Variants in MBD5 observed in about 807,000 individuals in gnomAD.
MBD5 encodes methyl-CpG-binding domain protein 5.
A neutral mutation model predicts 117.3 loss-of-function variants in MBD5; 13 were observed. The ratio of observed to expected loss-of-function variants is 0.11; its 90% CI spans 0.07 to 0.18. The LOEUF is 0.18. Among genes scored for constraint, MBD5 ranks in the 10% least tolerant of loss-of-function variants. MBD5 has a pLI of 1.00. For missense variants in MBD5, 1,879 were observed against 2,093.8 expected (o/e 0.90, Z 2.00); for synonymous variants, 727 against 766.4 (o/e 0.95, Z 0.85).
At chr2:148,340,096 C>G (rs1203914800) in intron 3 of MBD5, among the ~76,000 whole-genome samples, 2 of 152,082 alleles carry the variant, frequency 1.3e-5, no homozygotes, top group African/African-American at 4.8e-5. Flanking sequence ...TCCATTCTGC[C>G]TAAAAACTCT....
intron 3 of MBD5, among the ~76,000 whole-genome samples, chr2:148,281,472 C>T (rs939261446): frequency 2.0e-5 from 3 of 151,862 alleles, no homozygotes; most frequent in Admixed American, 6.6e-5. Flanking sequence ...TTCAAAATTT[C>T]TTATTCTTTT....
intron 1 of MBD5, among the ~76,000 whole-genome samples, chr2:148,160,305 G>A (rs1444542222): frequency 7.2e-5 from 11 of 152,280 alleles, no homozygotes; most frequent in Admixed American, 7.2e-4. Context: ...GGCTTAGGCA[G>A]GAGAATCACT....
intron 1 of MBD5, among the ~76,000 whole-genome samples, chr2:148,175,155 G>C (rs1698354240): frequency 6.6e-6 from 1 of 152,086 alleles, no homozygotes; most frequent in Non-Finnish European, 1.5e-5. Flanking sequence ...AGGTGGACAT[G>C]TTTACTGGCT....
intron 4 of MBD5, among the ~76,000 whole-genome samples, chr2:148,377,333 G>A (rs779090808): frequency 2.1e-4 from 32 of 152,064 alleles, no homozygotes; most frequent in Non-Finnish European, 4.3e-4. Context: ...CCAGGTTAAG[G>A]GTGGGTCTGC....
Position 148,153,299 on chromosome 2 carries a change from T to C in MBD5, c.-924-25401T>C, listed in dbSNP as rs1237606271. Among the ~76,000 whole-genome samples the C allele has an allele frequency of 1.1e-4, 16 of 152,196 alleles. No individual in the cohort carries two copies. The East Asian group carries it at 1.9e-3, about 18-fold the overall frequency. On this transcript the variant is annotated intron_variant, in intron 1 of 13. Coordinates refer to ENST00000642680, the MANE Select transcript of MBD5 (RefSeq NM_001378120.1). ...CTCTTCTGGCTTGTAGGGTTTCTGC[T>C]GAGAGATCCACTGTTAGTCTGATGG...
intron 3 of MBD5, among the ~76,000 whole-genome samples, chr2:148,326,791 A>G (rs1276838272): frequency 2.6e-5 from 4 of 151,674 alleles, no homozygotes; most frequent in East Asian, 1.9e-4. Flanking sequence ...TCTTTATCCA[A>G]TTTGCCAGTC....
chr2:148,299,018 C>T (rs977904366), intron 3 of MBD5, among the ~76,000 whole-genome samples: 20 of 152,152 alleles, frequency 1.3e-4, no homozygotes, highest in Non-Finnish European at 2.6e-4. Context: ...TGATGGTCCC[C>T]CAGTTAACCC....
chr2:148,404,786 C>A (rs886335615), intron 4 of MBD5, among the ~76,000 whole-genome samples: 1 of 152,000 alleles, frequency 6.6e-6, no homozygotes, highest in Admixed American at 6.6e-5. Context: ...CAAATCTGAC[C>A]CTTATTTTTC....
chr2:148,188,942 T>C (rs1040473567), intron 2 of MBD5, among the ~76,000 whole-genome samples: 1 of 151,538 alleles, frequency 6.6e-6, no homozygotes, highest in African/African-American at 2.4e-5. Context: ...TTGCCTCACC[T>C]GGGAAGCGCA....
At chr2:148,302,486 A>G (rs1701795476) in intron 3 of MBD5, among the ~76,000 whole-genome samples, 1 of 152,222 alleles carries the variant, frequency 6.6e-6, no homozygotes, top group African/African-American at 2.4e-5. Context: ...GCTCTTGCTA[A>G]TAGAGATGTA....
At chr2:148,125,363 T>C (rs891988229) in intron 1 of MBD5, among the ~76,000 whole-genome samples, 1 of 152,196 alleles carries the variant, frequency 6.6e-6, no homozygotes, top group Non-Finnish European at 1.5e-5. Flanking sequence ...TCAAATGTTG[T>C]ATTTATTTCA....
intron 2 of MBD5, among the ~76,000 whole-genome samples, chr2:148,231,316 T>G (rs1699981615): frequency 6.6e-6 from 1 of 152,068 alleles, no homozygotes; most frequent in Non-Finnish European, 1.5e-5. Flanking sequence ...TTGGTCTACT[T>G]TTGTTTTCTG....
intron 4 of MBD5, among the ~76,000 whole-genome samples, chr2:148,427,576 G>T (rs1186156694): frequency 6.6e-6 from 1 of 152,034 alleles, no homozygotes; most frequent in African/African-American, 2.4e-5. Flanking sequence ...ACTCATAGGT[G>T]GGAATTGAAC....
chr2:148,380,241 T>C (rs1704098464), intron 4 of MBD5, among the ~76,000 whole-genome samples: 1 of 152,112 alleles, frequency 6.6e-6, no homozygotes, highest in African/African-American at 2.4e-5. Flanking sequence ...TCAATTAAAT[T>C]AAAGGAAGAA....
intron 1 of MBD5, among the ~76,000 whole-genome samples, chr2:148,121,368 A>G (rs1367944068): frequency 6.6e-6 from 1 of 152,110 alleles, no homozygotes. Flanking sequence ...CATGCCTAAA[A>G]AAATAAGATT....
At position 148,296,864 on chromosome 2, in the gene MBD5, AT is replaced by A. The variant is rs757371602; in HGVS notation, c.-679-45330del. Reference sequence around the variant, plus strand: ...AAGCATAGTTTGCTTTAGTTCTTCAATTTTTTTTTTTTTTTTTTTTGGAGAC... The same window carrying A: ...AAGCATAGTTTGCTTTAGTTCTTCAATTTTTTTTTTTTTTTTTTTGGAGAC... On this transcript the variant is annotated intron_variant, in intron 3 of 13. Coordinates refer to ENST00000642680, the MANE Select transcript of MBD5 (RefSeq NM_001378120.1). 2.6e-4 allele frequency among the ~76,000 whole-genome samples: 16 copies of A among 61,330 alleles called. 1 individual carries two copies. The highest frequency in any genetic ancestry group is 2.2e-3 in the East Asian group (3 of 1,366). 40.2% of individuals were successfully genotyped at this position (61,330 alleles called of 152,430 possible).
chr2:148,066,692 G>A (rs1298160390), intron 1 of MBD5, among the ~76,000 whole-genome samples: 1 of 152,000 alleles, frequency 6.6e-6, no homozygotes, highest in Non-Finnish European at 1.5e-5. Context: ...TGCCTAGCCT[G>A]GTCTTGAACT....
At position 148,470,374 on chromosome 2, in the gene MBD5, C is replaced by A. The variant is rs796052713; in HGVS notation, c.2431C>A (p.Pro811Thr). ...MALGNSLHPN[P>T]PQSRISTSST... The stretch of plus-strand genomic sequence containing the variant: ...TTTAGGAAATTCCTTACATCCCAAT[C>A]CACCTCAGTCAAGAATTTCAACGTC... Residue 811 changes from proline to threonine, a missense_variant, in exon 8 of 14, where the codon CCA becomes ACA. Around this residue, in one of 4 missense-constraint regions of MBD5, gnomAD observed 1,666 missense variants for 1,792.2 expected, o/e 0.93. Transcript: ENST00000642680. 1 of 1,613,660 alleles carries A rather than the reference C, an allele frequency of 6.2e-7. No homozygotes were observed. The highest frequency in any genetic ancestry group is 8.5e-7 in the Non-Finnish European group (1 of 1,179,736).
At chr2:148,464,410 C>T (rs1162637277) in intron 7 of MBD5, among the ~76,000 whole-genome samples, 1 of 152,076 alleles carries the variant, frequency 6.6e-6, no homozygotes, top group Non-Finnish European at 1.5e-5. Context: ...TATTTCAAAG[C>T]TGCAGAAAAG....
Sources: gnomAD v4.1 joint callset for allele counts (sites outside exome capture counted in the v4.1 genomes callset) on GRCh38, gnomAD v4.1.1 for gene constraint, gnomAD v4.1.1 regional missense constraint, MANE v1.5 for transcripts, NCBI Gene and HGNC (gene_info 2026-07-23, HGNC 2026-07-21) for gene names.